LIPC: variants seen among roughly 807,000 people sequenced by gnomAD.
The protein encoded by LIPC is hepatic triacylglycerol lipase.
In LIPC, 44 loss-of-function variants were observed where a neutral mutation model predicts 50.7. That is an observed-to-expected ratio of 0.87 (90% CI 0.68 to 1.11). The LOEUF (loss-of-function observed/expected upper bound fraction) is 1.11. Ranked by LOEUF, LIPC falls within the 50% of genes most tolerant of loss-of-function variation. The probability of loss-of-function intolerance (pLI) is 0.00; values close to 1 mark genes in which losing one functional copy is unlikely to be tolerated. For missense variants in LIPC, 697 were observed against 648.2 expected (o/e 1.08, Z -0.82); for synonymous variants, 271 against 256.4 (o/e 1.06, Z -0.54).
chr15:58,507,006 T>C (rs2140849248), intron 1 of LIPC, among the ~76,000 whole-genome samples: 1 of 152,228 alleles, frequency 6.6e-6, no homozygotes, highest in Non-Finnish European at 1.5e-5. Flanking sequence ...AAGCTCCTTA[T>C]AAAACCATCA....
At chr15:58,444,834 C>T (rs1893633329) in intron 1 of LIPC, among the ~76,000 whole-genome samples, 1 of 152,258 alleles carries the variant, frequency 6.6e-6, no homozygotes. Context: ...AAACACTTTG[C>T]TAGGCCCTGC....
chr15:58,474,929 T>G (rs1213120423), intron 1 of LIPC, among the ~76,000 whole-genome samples: 1 of 152,206 alleles, frequency 6.6e-6, no homozygotes, highest in Non-Finnish European at 1.5e-5. Flanking sequence ...ATTCTGGGCC[T>G]CTGTCCAGTG....
intron 6 of LIPC, among the ~76,000 whole-genome samples, chr15:58,557,860 C>T (rs1043148682): frequency 1.3e-5 from 2 of 152,176 alleles, no homozygotes; most frequent in African/African-American, 4.8e-5. Context: ...CCTCCCACAT[C>T]TTACCCCCTC....
At chr15:58,507,060 C>G (rs1241038497) in intron 1 of LIPC, among the ~76,000 whole-genome samples, 4 of 152,118 alleles carry the variant, frequency 2.6e-5, no homozygotes, top group Non-Finnish European at 1.5e-5. Context: ...CTGGGGGAAA[C>G]CACTCCCATG....
chr15:58,434,831 C>G (rs1379722918), intron 1 of LIPC: 1 of 152,104 alleles, frequency 6.6e-6, no homozygotes, highest in Non-Finnish European at 1.5e-5. Flanking sequence ...CAACAGGCAC[C>G]TTCTCCCTCC....
chr15:58,541,719 G>A lies in LIPC; in HGVS notation c.274-66G>A, dbSNP rs1378134388. On this transcript the variant is annotated intron_variant, in intron 2 of 8. Coordinates refer to ENST00000299022, the MANE Select transcript of LIPC (RefSeq NM_000236.3). ...TTCCTCCAGCATTATCCAGGAGCTG[G>A]AGAAGGAAGAAGGGTGAGCGGGGAG... 2.7e-6 allele frequency: 4 copies of A among 1,497,944 alleles called. No individual in the cohort carries two copies. In the African/African-American group the frequency reaches 5.5e-5, roughly 21 times the overall value. The allele number at this position is 1,497,944 out of a possible 1,614,324, so 92.8% of individuals were successfully genotyped here.
Position 58,541,987 on chromosome 15 carries a change from T to C in LIPC, c.456+20T>C. 3.1e-6 allele frequency: 5 copies of C among 1,598,904 alleles called. No homozygotes were observed. The highest frequency in any genetic ancestry group is 4.3e-6 in the Non-Finnish European group (5 of 1,174,796). On this transcript the variant is annotated intron_variant, in intron 3 of 8. Transcript: ENST00000299022. Reference sequence around the variant, plus strand: ...CTGGAGGTACCGACCTGCCCCATCCTTCCTTCACCTCCCTTCCCTCCTTTC... The same window carrying C: ...CTGGAGGTACCGACCTGCCCCATCCCTCCTTCACCTCCCTTCCCTCCTTTC...
intron 1 of LIPC, among the ~76,000 whole-genome samples, chr15:58,461,244 G>C (rs776726891): frequency 1.3e-4 from 20 of 152,200 alleles, no homozygotes; most frequent in Non-Finnish European, 2.8e-4. Flanking sequence ...CCCACCAAGT[G>C]CTCAACTACC....
intron 1 of LIPC, among the ~76,000 whole-genome samples, chr15:58,452,346 T>G (rs1478646726): frequency 6.6e-6 from 1 of 152,226 alleles, no homozygotes; most frequent in Non-Finnish European, 1.5e-5. Flanking sequence ...TAAATGTATT[T>G]GATCCAATCC....
intron 1 of LIPC, among the ~76,000 whole-genome samples, chr15:58,511,107 A>T (rs1454749732): frequency 6.6e-6 from 1 of 152,208 alleles, no homozygotes; most frequent in Non-Finnish European, 1.5e-5. Flanking sequence ...CCAAAACTAG[A>T]ATCCAGGGCT....
chr15:58,555,932 T>C (rs1893932430), intron 6 of LIPC, among the ~76,000 whole-genome samples: 1 of 152,140 alleles, frequency 6.6e-6, no homozygotes, highest in African/African-American at 2.4e-5. Flanking sequence ...CTCCCTCCAG[T>C]GGTCACACCC....
At chr15:58,481,116 A>T (rs1055834034) in intron 1 of LIPC, among the ~76,000 whole-genome samples, 1 of 152,180 alleles carries the variant, frequency 6.6e-6, no homozygotes, top group Non-Finnish European at 1.5e-5. Flanking sequence ...ACTGGGCCAA[A>T]GACACTGGTA....
rs770649146 is a variant in LIPC, at chr15:58,432,046, C to G, written c.14C>G (p.Pro5Arg). Reference protein sequence around the residue: MDTSPLCFSILLVLC... With the variant: MDTSRLCFSILLVLC... ...TGAAACGGAGAAATGGACACAAGTCCCCTGTGTTTCTCCATTCTGTTGGTT... is the reference window on the plus strand; with the variant it reads ...TGAAACGGAGAAATGGACACAAGTCGCCTGTGTTTCTCCATTCTGTTGGTT... Residue 5 changes from proline (P) to arginine (R), a missense_variant, in exon 1 of 9, where the codon CCC becomes CGC. By Grantham distance (103) the Pro-to-Arg change is moderately radical. Transcript: ENST00000299022. 6.2e-7 allele frequency: 1 copy of G among 1,613,008 alleles called. No individual in the cohort carries two copies. The highest frequency in any genetic ancestry group is 8.5e-7 in the Non-Finnish European group (1 of 1,179,066).
rs189799675 is a variant in LIPC at position 58,480,712 on chromosome 15, T to G, written c.88+48592T>G. On this transcript the variant is annotated intron_variant, in intron 1 of 8. Coordinates refer to ENST00000299022, the MANE Select transcript of LIPC (RefSeq NM_000236.3). ...AAACTTTCTTGAAACGTTATGAGATTTTTTCATGATTTTCTTTTTGTAGCT... is the reference window on the plus strand; with the variant it reads ...AAACTTTCTTGAAACGTTATGAGATGTTTTCATGATTTTCTTTTTGTAGCT... Among the ~76,000 whole-genome samples the G allele has an allele frequency of 9.2e-5, 14 of 152,334 alleles. No homozygotes were observed. In the East Asian group the frequency reaches 2.7e-3, roughly 29 times the overall value.
At position 58,513,598 on chromosome 15, in the gene LIPC, A is replaced by G. The variant is rs191676654; in HGVS notation, c.89-24735A>G. Among the ~76,000 whole-genome samples the G allele has an allele frequency of 2.0e-5, 3 of 152,290 alleles. No homozygotes were observed. The East Asian group carries it at 5.8e-4, about 29-fold the overall frequency. On this transcript the variant is annotated intron_variant, in intron 1 of 8. Coordinates refer to ENST00000299022, the MANE Select transcript of LIPC (RefSeq NM_000236.3). ...CAGAATCAAAGGTGATGGGAGGAAA[A>G]AGGAAGAGGAAACAGGTAAATGAAA... is the stretch of plus-strand genomic sequence containing the variant.
chr15:58,479,100 T>C (rs920079153), intron 1 of LIPC, among the ~76,000 whole-genome samples: 33 of 152,366 alleles, frequency 2.2e-4, no homozygotes, highest in African/African-American at 7.2e-4. Context: ...TTGTTCATTA[T>C]TGCTCAGCAA....
intron 1 of LIPC, among the ~76,000 whole-genome samples, chr15:58,494,384 G>A (rs1019524210): frequency 3.3e-5 from 5 of 152,204 alleles, no homozygotes; most frequent in African/African-American, 1.2e-4. Context: ...ACAGAGTATG[G>A]TGAGCCCACA....
intron 1 of LIPC, among the ~76,000 whole-genome samples, chr15:58,471,556 C>A (rs1466659438): frequency 1.3e-5 from 2 of 152,112 alleles, no homozygotes; most frequent in African/African-American, 4.8e-5. Flanking sequence ...ATGCTGTAAT[C>A]CATTAGCCTT....
intron 1 of LIPC, among the ~76,000 whole-genome samples, chr15:58,514,650 C>T (rs1034451204): frequency 7.3e-5 from 11 of 151,256 alleles, no homozygotes; most frequent in Non-Finnish European, 1.2e-4. Context: ...ATGGCAAAAC[C>T]CCATCTCCAG....
Sources: gnomAD v4.1 joint callset for allele counts (sites outside exome capture counted in the v4.1 genomes callset) on GRCh38, gnomAD v4.1.1 for gene constraint, MANE v1.5 for transcripts, NCBI Gene and HGNC (gene_info 2026-07-23, HGNC 2026-07-21) for gene names.